Variants in DYM observed in about 807,000 individuals in gnomAD.
DYM encodes the protein dyggve-Melchior-Clausen syndrome protein.
A neutral mutation model predicts 93.1 loss-of-function variants in DYM; 78 were observed. The ratio of observed to expected loss-of-function variants is 0.84; its 90% CI spans 0.70 to 1.01. The LOEUF (loss-of-function observed/expected upper bound fraction) is 1.01, where lower values mean the gene tolerates loss of function less well. Ranked by LOEUF, DYM falls within the 50% of genes least tolerant of loss-of-function variation. The probability of loss-of-function intolerance (pLI) is 0.00; values close to 1 mark genes in which losing one functional copy is unlikely to be tolerated. For synonymous variants in DYM, 321 were observed against 319.7 expected, an observed-to-expected ratio of 1.00 and a Z score of -0.04; for missense variants, 789 against 845.0, an observed-to-expected ratio of 0.93 and a Z score of 0.82.
intron 14 of DYM, among the ~76,000 whole-genome samples, chr18:49,196,785 T>C (rs1210150359): frequency 6.6e-6 from 1 of 152,056 alleles, no homozygotes; most frequent in African/African-American, 2.4e-5. Context: ...GGAAGATACA[T>C]GTAACTTAGA....
At chr18:49,361,248 A>G (rs754385201) in intron 6 of DYM, among the ~76,000 whole-genome samples, 4 of 152,114 alleles carry the variant, frequency 2.6e-5, no homozygotes, top group Non-Finnish European at 4.4e-5. Flanking sequence ...CCTCAGCCCT[A>G]CTTTCCTGGG....
intron 15 of DYM, among the ~76,000 whole-genome samples, chr18:49,120,128 C>T (rs2848877): frequency 0.99 from 148,806 of 149,570 alleles, 74,031 homozygotes; most frequent in Middle Eastern, 1. Context: ...AAAAAAGAAC[C>T]AGAGATATAT....
At chr18:49,129,792 T>C (rs2083212449) in intron 15 of DYM, among the ~76,000 whole-genome samples, 1 of 152,006 alleles carries the variant, frequency 6.6e-6, no homozygotes, top group Non-Finnish European at 1.5e-5. Flanking sequence ...CTGACTCTTC[T>C]CTCATGCTAA....
intron 13 of DYM, among the ~76,000 whole-genome samples, chr18:49,216,740 A>G (rs1367187704): frequency 2.0e-5 from 3 of 152,170 alleles, no homozygotes; most frequent in African/African-American, 7.2e-5. Flanking sequence ...CATCCACACC[A>G]AAAACCCATC....
Position 49,163,902 on chromosome 18 carries a change from A to T in DYM, c.1626-115T>A, listed in dbSNP as rs75625312. 2.2e-3 allele frequency: 1,589 copies of T among 720,252 alleles called. 15 individuals are homozygous for T. In the African/African-American group the frequency reaches 0.022, roughly 10 times the overall value. 44.6% of individuals were successfully genotyped at this position (720,252 alleles called of 1,614,324 possible). On this transcript the variant is annotated intron_variant, in intron 14 of 17. Transcript: ENST00000675505. Reference sequence around the variant, plus strand: ...TTATTCTAAAATATACTTGTAAATGATTCTTTCTTCATGCCTGTGTTAACA... The same window carrying T: ...TTATTCTAAAATATACTTGTAAATGTTTCTTTCTTCATGCCTGTGTTAACA...
At chr18:49,170,383 A>G (rs183093268) in intron 14 of DYM, among the ~76,000 whole-genome samples, 2 of 152,256 alleles carry the variant, frequency 1.3e-5, no homozygotes, top group Non-Finnish European at 2.9e-5. Context: ...TAGAAATACT[A>G]ATTTGGTGCT....
intron 14 of DYM, among the ~76,000 whole-genome samples, chr18:49,175,418 CAATCTTT>C (rs1271769262): frequency 1.3e-5 from 2 of 152,118 alleles, no homozygotes; most frequent in African/African-American, 4.8e-5. Context: ...AATTACGTAA[CAATCTTT>C]ACTAAGAACA....
chr18:49,422,255 G>C (rs2073803441), intron 2 of DYM, among the ~76,000 whole-genome samples: 1 of 152,194 alleles, frequency 6.6e-6, no homozygotes, highest in Non-Finnish European at 1.5e-5. Context: ...CAGCCAGAGA[G>C]AAAGGTTGGG....
intron 2 of DYM, among the ~76,000 whole-genome samples, chr18:49,410,854 G>A (rs888991116): frequency 1.3e-5 from 2 of 152,124 alleles, no homozygotes; most frequent in Admixed American, 1.3e-4. Flanking sequence ...AAATCATTTT[G>A]ACAAGGGAGA....
intron 13 of DYM, among the ~76,000 whole-genome samples, chr18:49,217,462 C>T (rs1269438357): frequency 1.3e-5 from 2 of 152,110 alleles, no homozygotes; most frequent in East Asian, 1.9e-4. Context: ...TCAGATTCAC[C>T]AAAGTTGAAA....
At chr18:49,447,685 C>T (rs2082207644) in intron 1 of DYM, among the ~76,000 whole-genome samples, 1 of 152,154 alleles carries the variant, frequency 6.6e-6, no homozygotes, top group Admixed American at 6.5e-5. Flanking sequence ...AATGCGGTGT[C>T]GGCAACAGGA....
In DYM at chr18:49,430,416, T is replaced by G. The variant is rs756820132; in HGVS notation, c.-22A>C. 4 of 1,612,464 alleles carry G rather than the reference T, an allele frequency of 2.5e-6. No homozygotes were observed. The South Asian group carries it at 4.4e-5, about 18-fold the overall frequency. ...CCATCTTCTAGCTTAAGCAGATAATTTGTCCTTAAACCTGCATTTCCAAAA... is the reference window on the plus strand; with the variant it reads ...CCATCTTCTAGCTTAAGCAGATAATGTGTCCTTAAACCTGCATTTCCAAAA... On this transcript the variant is annotated 5_prime_UTR_variant, in exon 2 of 18. Transcript: ENST00000675505.
intron 15 of DYM, among the ~76,000 whole-genome samples, chr18:49,122,717 C>G (rs1037536494): frequency 2.0e-5 from 3 of 152,164 alleles, no homozygotes; most frequent in South Asian, 2.1e-4. Flanking sequence ...AACTGTCTTC[C>G]ACAAAACCGG....
intron 15 of DYM, among the ~76,000 whole-genome samples, chr18:49,156,930 A>C (rs1275203655): frequency 6.6e-6 from 1 of 151,670 alleles, no homozygotes; most frequent in Non-Finnish European, 1.5e-5. Context: ...TGCCTCACCT[A>C]AAGTGGGGTG....
At chr18:49,050,162 C>T (rs1034705005) in intron 17 of DYM, among the ~76,000 whole-genome samples, 16 of 149,338 alleles carry the variant, frequency 1.1e-4, no homozygotes, top group Admixed American at 6.7e-5. Flanking sequence ...TCTCGGCTCA[C>T]TGCAACCTCC....
At chr18:49,448,727 T>G (rs990840677) in intron 1 of DYM, among the ~76,000 whole-genome samples, 3 of 152,228 alleles carry the variant, frequency 2.0e-5, no homozygotes, top group Non-Finnish European at 2.9e-5. Context: ...CACCTTTTTC[T>G]CTAAGTGGGT....
intron 13 of DYM, among the ~76,000 whole-genome samples, chr18:49,228,718 C>T (rs2093612116): frequency 6.6e-6 from 1 of 152,090 alleles, no homozygotes. Flanking sequence ...GCTACCTATC[C>T]TTTTTCAGGT....
chr18:49,360,076 A>G (rs2065889320), intron 6 of DYM, among the ~76,000 whole-genome samples: 1 of 152,150 alleles, frequency 6.6e-6, no homozygotes, highest in African/African-American at 2.4e-5. Flanking sequence ...ATTTTCAGCT[A>G]ATTTAAAAGG....
At chr18:49,320,738 G>A (rs140264381) in intron 8 of DYM, among the ~76,000 whole-genome samples, 47 of 152,262 alleles carry the variant, frequency 3.1e-4, no homozygotes, top group African/African-American at 1.1e-3. Flanking sequence ...CTCCTAAAGT[G>A]CTGGGATTAC....
Sources: gnomAD v4.1 joint callset for allele counts (sites outside exome capture counted in the v4.1 genomes callset) on GRCh38, gnomAD v4.1.1 for gene constraint, MANE v1.5 for transcripts, NCBI Gene and HGNC (gene_info 2026-07-23, HGNC 2026-07-21) for gene names.